The following ATP13A3 variants were observed in gnomAD, a reference collection of about 807,000 sequenced individuals.
The protein encoded by ATP13A3 is polyamine-transporting ATPase 13A3.
Under a neutral mutation model 158.1 loss-of-function variants are expected in ATP13A3, and 59 were observed. That is an observed-to-expected ratio of 0.37 (90% CI 0.30 to 0.46). The LOEUF is 0.46. Among genes scored for constraint, ATP13A3 ranks in the 20% least tolerant of loss-of-function variants. The pLI is 1.00. For synonymous variants in ATP13A3, 491 were observed against 504.3 expected (o/e 0.97, Z 0.35); for missense variants, 1,166 against 1,525.2 (o/e 0.76, Z 3.92).
At chr3:194,423,390 G>A (rs536365392) in intron 30 of ATP13A3, among the ~76,000 whole-genome samples, 1 of 152,260 alleles carries the variant, frequency 6.6e-6, no homozygotes, top group South Asian at 2.1e-4. Context: ...CAACTGGCAG[G>A]TCCTAGCAAA....
intron 2 of ATP13A3, among the ~76,000 whole-genome samples, chr3:194,473,300 G>A (rs541231772): frequency 9.2e-5 from 14 of 152,216 alleles, no homozygotes; most frequent in Admixed American, 2.0e-4. Context: ...ATAATGGGGC[G>A]GAGAGAGACA....
chr3:194,462,249 A>G lies in ATP13A3; in HGVS notation c.-46-13T>C. On this transcript the variant is annotated splice_polypyrimidine_tract_variant and intron_variant, in intron 2 of 33. Coordinates refer to ENST00000645319, the MANE Select transcript of ATP13A3 (RefSeq NM_001367549.1). The stretch of plus-strand genomic sequence containing the variant: ...CAATGGAAGATCACTGAGGGAAGAA[A>G]GGGAACAGACGTTAGGGAACTATCT... 6.7e-7 allele frequency: 1 copy of G among 1,481,708 alleles called. No homozygotes were observed. The highest frequency in any genetic ancestry group is 9.4e-7 in the Non-Finnish European group (1 of 1,060,576). The allele number at this position is 1,481,708 out of a possible 1,614,324, so 91.8% of individuals were successfully genotyped here.
chr3:194,478,828 T>C (rs1577094799), intron 2 of ATP13A3, among the ~76,000 whole-genome samples: 1 of 152,164 alleles, frequency 6.6e-6, no homozygotes, highest in Non-Finnish European at 1.5e-5. Context: ...GGACTGTGTA[T>C]GTGTAAGAGA....
chr3:194,441,282 T>C (rs1718034350), intron 16 of ATP13A3, 29 bp downstream of exon 16: 1 of 1,551,272 alleles, frequency 6.4e-7, no homozygotes, highest in Non-Finnish European at 8.8e-7. Context: ...TTTCCTAAAG[T>C]TATTTGTATT....
intron 2 of ATP13A3, among the ~76,000 whole-genome samples, chr3:194,483,948 T>C (rs1366735074): frequency 6.6e-6 from 1 of 152,238 alleles, no homozygotes; most frequent in East Asian, 1.9e-4. Context: ...TGAGCTATAT[T>C]TGAATGGATG....
At chr3:194,455,637 C>T (rs1352507958) in intron 8 of ATP13A3, among the ~76,000 whole-genome samples, 1 of 152,160 alleles carries the variant, frequency 6.6e-6, no homozygotes. Flanking sequence ...TAGCCAAAAA[C>T]CAGAATGAAG....
Position 194,441,368 on chromosome 3 carries a change from A to C in ATP13A3, c.1653T>G (p.Ile551Met), listed in dbSNP as rs1253392117. ...GTGGATCACCAGAGAGCACTCCTTC[A>C]ATTTTTGTAAGTGAATGACAAGTAG... ...CMATCHSLTK[I>M]EGVLSGDPLD... Residue 551 changes from isoleucine (I) to methionine (M), a missense_variant, in exon 16 of 34, where the codon ATT becomes ATG. Physicochemically the swap from Ile to Met is conservative, Grantham distance 10 (BLOSUM62 1). Around this residue, in one of 3 missense-constraint regions of ATP13A3, gnomAD observed 997 missense variants for 1,341.2 expected, o/e 0.74. Transcript: ENST00000645319. The C allele has an allele frequency of 6.2e-7, 1 of 1,613,872 alleles. No homozygotes were observed. The highest frequency in any genetic ancestry group is 8.5e-7 in the Non-Finnish European group (1 of 1,179,796).
At position 194,453,855 on chromosome 3, in the gene ATP13A3, A is replaced by T. The variant is rs967207996; in HGVS notation, c.766-77T>A. ...GGAAAAAAGCCAGAGTGCTAAAAAA[A>T]TAAGTTAATTCAATAAATGCATATC... On this transcript the variant is annotated intron_variant, in intron 9 of 33. Coordinates refer to ENST00000645319, the MANE Select transcript of ATP13A3 (RefSeq NM_001367549.1). 7 of 1,087,066 alleles carry T rather than the reference A, an allele frequency of 6.4e-6. No homozygotes were observed. In the African/African-American group the frequency reaches 1.1e-4, roughly 17 times the overall value. The allele number at this position is 1,087,066 out of a possible 1,614,324, so 67.3% of individuals were successfully genotyped here.
In ATP13A3 at chr3:194,471,778, A is replaced by G. The variant is rs2109022542; in HGVS notation, c.-46-9542T>C. Reference sequence around the variant, plus strand: ...CCAAAACAAACAAACATAAATGAAAACAGCACAAGAGTCACTTTAGATTCA... The same window carrying G: ...CCAAAACAAACAAACATAAATGAAAGCAGCACAAGAGTCACTTTAGATTCA... On this transcript the variant is annotated intron_variant, in intron 2 of 33. Coordinates refer to ENST00000645319, the MANE Select transcript of ATP13A3 (RefSeq NM_001367549.1). 2 of 151,420 alleles carry G rather than the reference A, an allele frequency of 1.3e-5. 1 individual carries two copies. The highest frequency in any genetic ancestry group is 6.8e-3 in the Middle Eastern group (2 of 296). The allele number at this position is 151,420 out of a possible 1,614,324, so 9.4% of individuals were successfully genotyped here. A position where few individuals can be genotyped will look rare whatever the true frequency, so the allele number is the denominator to read the frequency against.
chr3:194,457,501 C>T (rs1439791597), intron 6 of ATP13A3, among the ~76,000 whole-genome samples: 5 of 152,090 alleles, frequency 3.3e-5, no homozygotes, highest in African/African-American at 1.2e-4. Context: ...TAAAATTAAA[C>T]TTTAAAATTT....
In ATP13A3 at chr3:194,437,144, T is replaced by C. The variant is rs1717701432; in HGVS notation, c.2071A>G (p.Arg691Gly). The change falls in exon 20 of 34, where the codon AGA (arginine) becomes GGA (glycine). Residue 691 changes from arginine to glycine, a missense_variant. Arg to Gly is a moderately radical substitution (Grantham distance 125, BLOSUM62 -2). Around this residue, in one of 3 missense-constraint regions of ATP13A3, gnomAD observed 997 missense variants for 1,341.2 expected, o/e 0.74. Coordinates refer to ENST00000645319, the MANE Select transcript of ATP13A3 (RefSeq NM_001367549.1). ...QGFRVIALAHRKLESKLTWHK... is the reference protein window; with the variant it reads ...QGFRVIALAHGKLESKLTWHK... Reference sequence around the variant, plus strand: ...CATGTCAGTTTTGACTCCAATTTTCTGTGTGCAAGAGCAATCACACGGAAG... The same window carrying C: ...CATGTCAGTTTTGACTCCAATTTTCCGTGTGCAAGAGCAATCACACGGAAG... The C allele has an allele frequency of 7.4e-6, 12 of 1,614,032 alleles. No individual in the cohort carries two copies. The highest frequency in any genetic ancestry group is 7.6e-6 in the Non-Finnish European group (9 of 1,179,986).
At chr3:194,433,735 A>G (rs1345415953) in intron 21 of ATP13A3, 37 bp downstream of exon 21, 11 of 1,611,214 alleles carry the variant, frequency 6.8e-6, no homozygotes, top group South Asian at 6.6e-5. Flanking sequence ...GCTCTGTCAC[A>G]CTCCATTTGC....
chr3:194,484,202 T>C (rs1465764356), intron 2 of ATP13A3, among the ~76,000 whole-genome samples: 1 of 152,228 alleles, frequency 6.6e-6, no homozygotes. Flanking sequence ...TTTCTGTCTG[T>C]CTTCAAAGTC....
At chr3:194,426,381 A>G (rs1716776596) in intron 29 of ATP13A3, among the ~76,000 whole-genome samples, 1 of 152,204 alleles carries the variant, frequency 6.6e-6, no homozygotes, top group African/African-American at 2.4e-5. Context: ...TGTGATCCGT[A>G]AAGCACTCTA....
intron 31 of ATP13A3, among the ~76,000 whole-genome samples, chr3:194,419,536 T>C (rs1185042184): frequency 6.6e-6 from 1 of 152,108 alleles, no homozygotes; most frequent in East Asian, 1.9e-4. Flanking sequence ...ATTGAAGAAC[T>C]AAATGGCCAA....
At chr3:194,461,944 T>TA (rs980277664) in intron 3 of ATP13A3, among the ~76,000 whole-genome samples, 196 bp downstream of exon 3, 29 of 152,128 alleles carry the variant, frequency 1.9e-4, no homozygotes, top group Admixed American at 9.8e-4. Context: ...AGACCACAGG[T>TA]AAAAAAAGAA....
chr3:194,444,609 C>T (rs187452043), intron 15 of ATP13A3, 116 bp downstream of exon 15: 135 of 797,114 alleles, frequency 1.7e-4, no homozygotes, highest in Non-Finnish European at 2.2e-4. Context: ...AACATGTCCA[C>T]GGTTTAATCC....
intron 20 of ATP13A3, among the ~76,000 whole-genome samples, chr3:194,436,561 A>C (rs1577054366): frequency 6.6e-6 from 1 of 152,260 alleles, no homozygotes; most frequent in Non-Finnish European, 1.5e-5. Flanking sequence ...AGTTTCAAAG[A>C]GCTCTAAGGA....
intron 2 of ATP13A3, among the ~76,000 whole-genome samples, chr3:194,483,239 G>A (rs763866684): frequency 7.9e-5 from 12 of 151,722 alleles, no homozygotes; most frequent in South Asian, 2.1e-4. Context: ...AGCCATGATC[G>A]TGCCACTACA....
Sources: gnomAD v4.1 joint callset for allele counts (sites outside exome capture counted in the v4.1 genomes callset) on GRCh38, gnomAD v4.1.1 for gene constraint, gnomAD v4.1.1 regional missense constraint, MANE v1.5 for transcripts, NCBI Gene and HGNC (gene_info 2026-07-23, HGNC 2026-07-21) for gene names.